STK32B: variants seen among roughly 807,000 people sequenced by gnomAD.
STK32B encodes serine/threonine-protein kinase 32B.
A neutral mutation model predicts 52.6 loss-of-function variants in STK32B; 43 were observed. That is an observed-to-expected ratio of 0.82 (90% CI 0.64 to 1.05). The LOEUF (loss-of-function observed/expected upper bound fraction) is 1.05, where lower values mean the gene tolerates loss of function less well. STK32B is among the 50% of genes least tolerant of loss of function. STK32B has a pLI of 0.00. For missense variants in STK32B, 621 were observed against 534.6 expected (o/e 1.16, Z -1.59); for synonymous variants, 238 against 204.3 (o/e 1.17, Z -1.41).
chr4:5,330,005 GTGGGTGCA>G (rs1732127945), intron 3 of STK32B, among the ~76,000 whole-genome samples: 1 of 152,300 alleles, frequency 6.6e-6, no homozygotes, highest in African/African-American at 2.4e-5. Context: ...GGAACATAGT[GTGGGTGCA>G]TTACAGCAAC....
chr4:5,311,977 A>G (rs568115102), intron 3 of STK32B, among the ~76,000 whole-genome samples: 2 of 151,492 alleles, frequency 1.3e-5, no homozygotes, highest in South Asian at 4.2e-4. Flanking sequence ...AAAAAATTAT[A>G]AACAGTACAC....
chr4:5,191,163 C>A (rs748377705), intron 3 of STK32B, among the ~76,000 whole-genome samples: 4 of 152,080 alleles, frequency 2.6e-5, no homozygotes, highest in Non-Finnish European at 5.9e-5. Context: ...TTCCATGGTG[C>A]CATAGGGGGT....
At chr4:5,457,723 A>C (rs1212012849) in intron 8 of STK32B, among the ~76,000 whole-genome samples, 1 of 151,478 alleles carries the variant, frequency 6.6e-6, no homozygotes, top group Non-Finnish European at 1.5e-5. Flanking sequence ...AAAAGTAGCC[A>C]CCTACAAAAG....
chr4:5,491,299 G>A (rs2108725904), intron 11 of STK32B, among the ~76,000 whole-genome samples: 1 of 152,238 alleles, frequency 6.6e-6, no homozygotes, highest in South Asian at 2.1e-4. Context: ...ATCTCATTGT[G>A]GTTTTGATTT....
chr4:5,344,587 TAAATC>T (rs938093418), intron 4 of STK32B, among the ~76,000 whole-genome samples: 15 of 152,306 alleles, frequency 9.8e-5, no homozygotes, highest in African/African-American at 3.4e-4. Context: ...ATCTGCTTAT[TAAATC>T]AGTTATTTAT....
intron 1 of STK32B, among the ~76,000 whole-genome samples, chr4:5,105,721 G>T (rs1449649233): frequency 6.6e-6 from 1 of 151,700 alleles, no homozygotes. Flanking sequence ...CCGCCACCAC[G>T]CCTGGCTAAT....
chr4:5,442,284 G>C (rs1714858350), intron 6 of STK32B, among the ~76,000 whole-genome samples: 2 of 151,398 alleles, frequency 1.3e-5, no homozygotes, highest in African/African-American at 4.8e-5. Context: ...GAATCTTGGT[G>C]CTCCTGTATT....
chr4:5,213,838 G>A (rs913665843), intron 3 of STK32B, among the ~76,000 whole-genome samples: 1 of 152,070 alleles, frequency 6.6e-6, no homozygotes, highest in African/African-American at 2.4e-5. Context: ...ATACTTTATG[G>A]TGACTTTTGG....
At chr4:5,153,947 A>G (rs893973125) in intron 2 of STK32B, among the ~76,000 whole-genome samples, 2 of 152,228 alleles carry the variant, frequency 1.3e-5, no homozygotes, top group African/African-American at 4.8e-5. Flanking sequence ...TTGGTTCTGT[A>G]ATCAAAGTCA....
chr4:5,043,939 A>G, the STK32B span, among the ~76,000 whole-genome samples: 1 of 152,250 alleles, frequency 6.6e-6, no homozygotes, highest in Non-Finnish European at 1.5e-5. Context: ...AGCCTTTCCC[A>G]GGCAGCAGTC....
intron 1 of STK32B, among the ~76,000 whole-genome samples, chr4:5,064,815 T>C (rs150467048): frequency 0.019 from 2,699 of 139,396 alleles, 153 homozygotes; most frequent in African/African-American, 0.069. Context: ...TGTATACATA[T>C]ATAATATATA....
At chr4:5,438,722 G>C (rs1459734897) in intron 6 of STK32B, among the ~76,000 whole-genome samples, 2 of 152,104 alleles carry the variant, frequency 1.3e-5, no homozygotes, top group Non-Finnish European at 2.9e-5. Flanking sequence ...ATCTAGCATT[G>C]GGTATATCTC....
chr4:5,254,921 C>A (rs191127644), intron 3 of STK32B, among the ~76,000 whole-genome samples: 83 of 149,652 alleles, frequency 5.5e-4, no homozygotes, highest in Non-Finnish European at 9.0e-4. Flanking sequence ...ATAAACTTTC[C>A]ATATATAGGA....
intron 4 of STK32B, among the ~76,000 whole-genome samples, chr4:5,348,844 T>G (rs921119967): frequency 5.3e-5 from 8 of 152,132 alleles, no homozygotes; most frequent in African/African-American, 1.9e-4. Context: ...CCAAGGGACC[T>G]GGGGGAATCA....
At chr4:5,347,136 A>G (rs918840164) in intron 4 of STK32B, among the ~76,000 whole-genome samples, 1 of 152,166 alleles carries the variant, frequency 6.6e-6, no homozygotes, top group African/African-American at 2.4e-5. Context: ...GAGCCAAACC[A>G]TATCAGTCAC....
At chr4:5,140,109 T>G in intron 2 of STK32B, 149 bp downstream of exon 2, 1 of 1,423,418 alleles carries the variant, frequency 7.0e-7, no homozygotes, top group Non-Finnish European at 9.8e-7. Context: ...TCTGAATAGT[T>G]TCCTTGCGAT....
intron 1 of STK32B, among the ~76,000 whole-genome samples, chr4:5,100,800 C>CCTGCTCTTTCTTTCCTTCCTTCCCCTT (rs1413801223): frequency 1.8e-5 from 2 of 112,496 alleles, no homozygotes; most frequent in African/African-American, 3.3e-5. Context: ...TTATTCCTTC[C>CCTGCTCTTTCTTTCCTTCCTTCCCCTT]CCTTCCTTCC....
the STK32B span, among the ~76,000 whole-genome samples, chr4:5,044,973 A>C: frequency 6.6e-6 from 1 of 152,086 alleles, no homozygotes; most frequent in Non-Finnish European, 1.5e-5. Context: ...ACTTCTCCCT[A>C]CCACCCCAAC....
chr4:5,240,510 A>T (rs1724948544), intron 3 of STK32B, among the ~76,000 whole-genome samples: 1 of 152,050 alleles, frequency 6.6e-6, no homozygotes, highest in Admixed American at 6.5e-5. Flanking sequence ...CCCAGGATGG[A>T]GTGCAGTGGC....
Sources: gnomAD v4.1 joint callset for allele counts (sites outside exome capture counted in the v4.1 genomes callset) on GRCh38, gnomAD v4.1.1 for gene constraint, MANE v1.5 for transcripts, NCBI Gene and HGNC (gene_info 2026-07-23, HGNC 2026-07-21) for gene names.